Variants in SCAPER observed in about 807,000 individuals in gnomAD.
The protein encoded by SCAPER is S phase cyclin A-associated protein in the endoplasmic reticulum.
In SCAPER, 98 loss-of-function variants were observed where a neutral mutation model predicts 182.2. That is an observed-to-expected ratio of 0.54 (90% confidence interval 0.46 to 0.64). The LOEUF (loss-of-function observed/expected upper bound fraction) is 0.64, where lower values mean the gene tolerates loss of function less well. Among genes scored for constraint, SCAPER ranks in the 30% least tolerant of loss-of-function variants. SCAPER has a pLI of 0.00. For synonymous variants in SCAPER, 605 were observed against 564.6 expected (o/e 1.07, Z -1.01); for missense variants, 1,432 against 1,690.0 (o/e 0.85, Z 2.68).
At chr15:76,795,720 T>C (rs758581483) in intron 7 of SCAPER, among the ~76,000 whole-genome samples, 7 of 152,100 alleles carry the variant, frequency 4.6e-5, no homozygotes, top group Non-Finnish European at 1.0e-4. Flanking sequence ...TTTTAAAAAA[T>C]TATGCATAGG....
chr15:76,739,813 T>TTAA, intron 15 of SCAPER, among the ~76,000 whole-genome samples: 1 of 152,254 alleles, frequency 6.6e-6, no homozygotes, highest in Middle Eastern at 3.4e-3. Flanking sequence ...AAAGTAACAC[T>TTAA]ATCACAGAAT....
intron 3 of SCAPER, among the ~76,000 whole-genome samples, chr15:76,859,080 A>G (rs1195881799): frequency 2.6e-5 from 4 of 152,252 alleles, no homozygotes; most frequent in African/African-American, 7.2e-5. Flanking sequence ...ACTAATTTAC[A>G]TTCTCACCAG....
intron 22 of SCAPER, among the ~76,000 whole-genome samples, chr15:76,587,092 C>T (rs912162769): frequency 3.3e-5 from 5 of 152,010 alleles, no homozygotes; most frequent in Admixed American, 6.6e-5. Flanking sequence ...AGTTTATGAA[C>T]GTAAAGGTGT....
chr15:76,752,066 GA>G (rs2151183772), intron 15 of SCAPER, among the ~76,000 whole-genome samples: 1 of 150,890 alleles, frequency 6.6e-6, no homozygotes, highest in South Asian at 2.1e-4. Context: ...TCAAGAATGT[GA>G]AAAGGATTTG....
chr15:76,607,859 C>A (rs2050588475), intron 22 of SCAPER, among the ~76,000 whole-genome samples: 1 of 152,180 alleles, frequency 6.6e-6, no homozygotes, highest in African/African-American at 2.4e-5. Flanking sequence ...CCTTGGTTTT[C>A]AGCTCCATCA....
At chr15:76,366,086 T>TAC (rs59741618) in intron 29 of SCAPER, among the ~76,000 whole-genome samples, 12,556 of 149,374 alleles carry the variant, frequency 0.084, 644 homozygotes, top group African/African-American at 0.16. Flanking sequence ...CTTACACACT[T>TAC]ACACACACAC....
At chr15:76,748,794 G>C (rs941887530) in intron 15 of SCAPER, among the ~76,000 whole-genome samples, 3 of 151,632 alleles carry the variant, frequency 2.0e-5, no homozygotes, top group Non-Finnish European at 2.9e-5. Context: ...AATTTCTTGA[G>C]TGACACAAAT....
chr15:76,792,096 C>T (rs768869386), intron 8 of SCAPER, among the ~76,000 whole-genome samples: 76 of 149,968 alleles, frequency 5.1e-4, no homozygotes, highest in African/African-American at 1.8e-3. Context: ...AGTGTTAAGA[C>T]TGTGAGTGAT....
At chr15:76,694,575 T>C (rs1299871217) in intron 20 of SCAPER, among the ~76,000 whole-genome samples, 3 of 152,030 alleles carry the variant, frequency 2.0e-5, no homozygotes, top group African/African-American at 7.2e-5. Flanking sequence ...TATGTGTATT[T>C]TACCACAAAA....
At chr15:76,821,428 G>A (rs2067531607) in intron 5 of SCAPER, among the ~76,000 whole-genome samples, 1 of 152,088 alleles carries the variant, frequency 6.6e-6, no homozygotes. Flanking sequence ...AGACAAGCCT[G>A]AGGAACATGG....
At chr15:76,682,840 C>A (rs1211353878) in intron 20 of SCAPER, among the ~76,000 whole-genome samples, 1 of 151,720 alleles carries the variant, frequency 6.6e-6, no homozygotes, top group Non-Finnish European at 1.5e-5. Context: ...AGTCAGCCAA[C>A]TGAGCCCACC....
intron 8 of SCAPER, chr15:76,793,109 G>T: frequency 1.7e-6 from 1 of 589,348 alleles, no homozygotes; most frequent in Non-Finnish European, 2.8e-6. Flanking sequence ...CTGGGTTTGG[G>T]GAAGAGAACA....
At chr15:76,818,966 C>A (rs536749400) in intron 5 of SCAPER, among the ~76,000 whole-genome samples, 3 of 152,226 alleles carry the variant, frequency 2.0e-5, no homozygotes, top group Non-Finnish European at 4.4e-5. Context: ...GAGGGTCCTA[C>A]GCCCACGGAG....
intron 25 of SCAPER, among the ~76,000 whole-genome samples, chr15:76,455,926 T>C (rs1286546797): frequency 1.3e-5 from 2 of 152,160 alleles, no homozygotes; most frequent in Non-Finnish European, 2.9e-5. Flanking sequence ...CATGCCGTGT[T>C]TGGTTTTCTC....
intron 22 of SCAPER, among the ~76,000 whole-genome samples, chr15:76,608,089 C>G (rs1302521904): frequency 6.6e-6 from 1 of 152,160 alleles, no homozygotes; most frequent in Non-Finnish European, 1.5e-5. Flanking sequence ...GGAGGAGAGG[C>G]GCTCTGATTT....
chr15:76,558,287 T>C (rs2046337356), intron 23 of SCAPER, among the ~76,000 whole-genome samples: 1 of 152,046 alleles, frequency 6.6e-6, no homozygotes, highest in Admixed American at 6.5e-5. Flanking sequence ...TATAAGGAAC[T>C]TAACAAATTA....
intron 8 of SCAPER, among the ~76,000 whole-genome samples, chr15:76,784,128 A>AG (rs1431885218): frequency 2.0e-5 from 3 of 152,260 alleles, no homozygotes; most frequent in African/African-American, 7.2e-5. Context: ...TTGTATATTT[A>AG]AAAAACCCAT....
chr15:76,833,548 C>T (rs2068686394), intron 5 of SCAPER, among the ~76,000 whole-genome samples: 1 of 152,128 alleles, frequency 6.6e-6, no homozygotes, highest in Admixed American at 6.5e-5. Flanking sequence ...CTAAACATTC[C>T]ACTTAAAAGG....
intron 17 of SCAPER, among the ~76,000 whole-genome samples, chr15:76,718,967 C>T (rs2060043126): frequency 6.6e-6 from 1 of 152,068 alleles, no homozygotes; most frequent in South Asian, 2.1e-4. Context: ...TGGCTTGGTA[C>T]AGCCATCTGG....
Sources: gnomAD v4.1 joint callset for allele counts (sites outside exome capture counted in the v4.1 genomes callset) on GRCh38, gnomAD v4.1.1 for gene constraint, MANE v1.5 for transcripts, NCBI Gene and HGNC (gene_info 2026-07-23, HGNC 2026-07-21) for gene names.